ULK2: variants seen among roughly 807,000 people sequenced by gnomAD.
ULK2 encodes serine/threonine-protein kinase ULK2.
ULK2 carries 76 observed loss-of-function variants against 127.5 expected under a neutral mutation model. That is an observed-to-expected ratio of 0.60 (90% CI 0.50 to 0.72). ULK2 has a LOEUF of 0.72. ULK2 is among the 30% of genes least tolerant of loss of function. The probability of loss-of-function intolerance (pLI) is 0.00; values close to 1 mark genes in which losing one functional copy is unlikely to be tolerated. For missense variants in ULK2, 1,144 were observed against 1,295.9 expected (o/e 0.88, Z 1.80); for synonymous variants, 452 against 461.9 (o/e 0.98, Z 0.28).
intron 10 of ULK2, among the ~76,000 whole-genome samples, chr17:19,832,813 G>A (rs987896039): frequency 3.9e-5 from 6 of 152,072 alleles, no homozygotes; most frequent in South Asian, 2.1e-4. Context: ...TTTCGTCCAC[G>A]CAAGTTACTA....
chr17:19,842,247 G>A (rs2041781265), intron 8 of ULK2, among the ~76,000 whole-genome samples: 1 of 145,888 alleles, frequency 6.9e-6, no homozygotes, highest in Admixed American at 7.0e-5. Flanking sequence ...GCCCAGGCTG[G>A]AGTGCAATGG....
At chr17:19,789,922 A>C (rs1203797196) in intron 20 of ULK2, among the ~76,000 whole-genome samples, 1 of 151,842 alleles carries the variant, frequency 6.6e-6, no homozygotes. Context: ...AAAAAAAAAA[A>C]AAACAAAAAC....
intron 10 of ULK2, among the ~76,000 whole-genome samples, chr17:19,833,225 T>C (rs1268497239): frequency 1.3e-5 from 2 of 151,780 alleles, no homozygotes; most frequent in Non-Finnish European, 2.9e-5. Context: ...AAATGTTTGA[T>C]TTTTGACAAA....
At chr17:19,845,194 A>G (rs981436726) in intron 7 of ULK2, 110 bp downstream of exon 7, 7 of 955,866 alleles carry the variant, frequency 7.3e-6, no homozygotes, top group Non-Finnish European at 1.1e-5. Context: ...AGTAATAACA[A>G]CTTGGACTAT....
Position 19,867,424 on chromosome 17 carries a change from G to T in ULK2, c.-7C>A. Reference sequence around the variant, plus strand: ...AGTCACCCACCACCTCCATGGCCGCGCCCCCGGGGCACACAGCGGACGGGC... The same window carrying T: ...AGTCACCCACCACCTCCATGGCCGCTCCCCCGGGGCACACAGCGGACGGGC... On this transcript the variant is annotated 5_prime_UTR_variant, in exon 1 of 27. Coordinates refer to ENST00000395544, the MANE Select transcript of ULK2 (RefSeq NM_014683.4). 1.9e-6 allele frequency: 3 copies of T among 1,587,648 alleles called. No homozygotes were observed. The highest frequency in any genetic ancestry group is 2.6e-6 in the Non-Finnish European group (3 of 1,169,330).
intron 12 of ULK2, among the ~76,000 whole-genome samples, chr17:19,818,520 T>C (rs1471724276): frequency 6.6e-6 from 1 of 152,148 alleles, no homozygotes; most frequent in Non-Finnish European, 1.5e-5. Flanking sequence ...TTTACAAAAT[T>C]ACCTGCATCT....
intron 12 of ULK2, among the ~76,000 whole-genome samples, chr17:19,818,557 TA>T (rs905894471): frequency 9.9e-5 from 15 of 152,056 alleles, no homozygotes; most frequent in African/African-American, 3.6e-4. Flanking sequence ...TTCTTTCTCG[TA>T]ACAGTGGAAG....
intron 13 of ULK2, among the ~76,000 whole-genome samples, chr17:19,810,720 TA>T (rs1031724828): frequency 6.6e-6 from 1 of 152,230 alleles, no homozygotes; most frequent in African/African-American, 2.4e-5. Context: ...TCTTCCCCAT[TA>T]AACATGCAAA....
intron 25 of ULK2, among the ~76,000 whole-genome samples, chr17:19,778,201 C>A (rs902343954): frequency 6.6e-6 from 1 of 152,176 alleles, no homozygotes; most frequent in Non-Finnish European, 1.5e-5. Context: ...AACAAAGTGC[C>A]AGGCACTGCG....
intron 10 of ULK2, among the ~76,000 whole-genome samples, chr17:19,832,265 TC>T (rs1286043660): frequency 6.6e-6 from 1 of 150,430 alleles, no homozygotes; most frequent in African/African-American, 2.5e-5. Context: ...TGAAACATTT[TC>T]TTTTTTTTTT....
Position 19,816,891 on chromosome 17 carries a change from T to C in ULK2, c.954A>G (p.Glu318=). 6.2e-6 allele frequency: 10 copies of C among 1,608,750 alleles called. No homozygotes were observed. Among genetic ancestry groups the C allele is most frequent in the Non-Finnish European group, 8.5e-6 (10 of 1,178,542 alleles). The change falls in exon 13 of 27, where the codon GAA becomes GAG. Residue 318 remains glutamate, a synonymous_variant. Coordinates refer to ENST00000395544, the MANE Select transcript of ULK2 (RefSeq NM_014683.4). The stretch of plus-strand genomic sequence containing the variant: ...CCAATGGTGGGGAAGATAAGTTTTC[T>C]TCCTGAATATGCTGCATATCTGGAA... ...PSLPDMQHIQ[E]ENLSSPPLGP... is the part of the protein sequence containing the mutation.
intron 13 of ULK2, among the ~76,000 whole-genome samples, chr17:19,814,843 G>A (rs936373643): frequency 2.0e-5 from 3 of 152,080 alleles, no homozygotes; most frequent in African/African-American, 7.2e-5. Context: ...CACAATGCCT[G>A]GCTCATTACA....
intron 22 of ULK2, among the ~76,000 whole-genome samples, chr17:19,782,419 T>C (rs2086939362): frequency 6.6e-6 from 1 of 152,244 alleles, no homozygotes; most frequent in Non-Finnish European, 1.5e-5. Context: ...AAGGATACTA[T>C]AGGTGCTAAA....
chr17:19,836,829 C>T (rs1323576922), intron 10 of ULK2, among the ~76,000 whole-genome samples: 1 of 151,114 alleles, frequency 6.6e-6, no homozygotes, highest in Non-Finnish European at 1.5e-5. Context: ...TGCCTGAACC[C>T]AGGAGGCGGA....
At chr17:19,823,637 G>A (rs911580046) in intron 12 of ULK2, among the ~76,000 whole-genome samples, 5 of 152,100 alleles carry the variant, frequency 3.3e-5, no homozygotes, top group Non-Finnish European at 7.4e-5. Flanking sequence ...TTACTACCAG[G>A]ACCCTGCAAG....
At chr17:19,846,555 G>A (rs111922320) in intron 6 of ULK2, among the ~76,000 whole-genome samples, 182 bp downstream of exon 6, 8 of 151,028 alleles carry the variant, frequency 5.3e-5, no homozygotes, top group East Asian at 2.0e-4. Flanking sequence ...CAGGAGAATC[G>A]CTTGAACCCA....
Position 19,841,521 on chromosome 17 carries a change from C to T in ULK2, c.672G>A (p.Met224Ile), listed in dbSNP as rs2041755298. 3.8e-6 allele frequency: 6 copies of T among 1,587,164 alleles called. No homozygotes were observed. The highest frequency in any genetic ancestry group is 1.4e-5 in the African/African-American group (1 of 72,582). Residue 224 changes from methionine (M) to isoleucine (I), a missense_variant, in exon 9 of 27, where the codon ATG (methionine) becomes ATA (isoleucine). By Grantham distance (10) the Met-to-Ile change is conservative (BLOSUM62 1). Transcript: ENST00000395544. The part of the protein sequence containing the change: ...FQANSPQDLR[M>I]FYEKNRSLMP... ...TTAAGCTCCTGTTTTTTTCATAAAACATCCTTAAGTCTTGAGGACTATTGG... is the reference window on the plus strand; with the variant it reads ...TTAAGCTCCTGTTTTTTTCATAAAATATCCTTAAGTCTTGAGGACTATTGG...
intron 13 of ULK2, among the ~76,000 whole-genome samples, chr17:19,814,253 T>C (rs2040911553): frequency 6.6e-6 from 1 of 151,110 alleles, no homozygotes; most frequent in Non-Finnish European, 1.5e-5. Context: ...AAAAAATCTT[T>C]AGAAGAAAAT....
chr17:19,789,522 C>T (rs2087107156), intron 20 of ULK2, among the ~76,000 whole-genome samples: 1 of 152,122 alleles, frequency 6.6e-6, no homozygotes, highest in East Asian at 1.9e-4. Flanking sequence ...CAAGACCAGC[C>T]AGGAAAACAT....
Sources: allele counts gnomAD v4.1 joint callset (sites outside exome capture counted in the v4.1 genomes callset), GRCh38; gene constraint gnomAD v4.1.1; transcripts MANE v1.5; gene names NCBI Gene and HGNC (gene_info 2026-07-23, HGNC 2026-07-21).